The following NOC3L variants were observed in gnomAD, a reference collection of about 807,000 sequenced individuals.
NOC3L encodes the protein NOC3 like DNA replication regulator, also known as nucleolar complex protein 3 homolog.
A neutral mutation model predicts 102.5 loss-of-function variants in NOC3L; 85 were observed. That is an observed-to-expected ratio of 0.83 (90% CI 0.70 to 0.99). The LOEUF is 0.99. Ranked by LOEUF, NOC3L falls within the 50% of genes least tolerant of loss-of-function variation. NOC3L has a pLI of 0.00. For synonymous variants in NOC3L, 303 were observed against 309.4 expected (o/e 0.98, Z 0.22); for missense variants, 878 against 914.9 (o/e 0.96, Z 0.52).
chr10:94,322,582 C>T, the NOC3L span, among the ~76,000 whole-genome samples: 1 of 151,924 alleles, frequency 6.6e-6, no homozygotes, highest in African/African-American at 2.4e-5. Flanking sequence ...GTCAGGAGTT[C>T]GAGACCAGCC....
the NOC3L span, chr10:94,322,127 C>T: frequency 7.1e-7 from 1 of 1,400,716 alleles, no homozygotes; most frequent in Non-Finnish European, 1.0e-6. Flanking sequence ...AATGTCTGTG[C>T]ACTGATGGCT....
chr10:94,320,336 A>AAAT, the NOC3L span, among the ~76,000 whole-genome samples: 1 of 151,936 alleles, frequency 6.6e-6, no homozygotes, highest in South Asian at 2.1e-4. Context: ...AAAAAAGTTA[A>AAAT]AATAGATTAT....
chr10:94,354,461 G>C (rs1484045972), intron 6 of NOC3L, among the ~76,000 whole-genome samples: 1 of 152,082 alleles, frequency 6.6e-6, no homozygotes, highest in Non-Finnish European at 1.5e-5. Flanking sequence ...GATTTCTCTA[G>C]TTCATGTGTT....
intron 15 of NOC3L, 25 bp from the exon 16 acceptor site, chr10:94,340,372 T>A: frequency 1.2e-6 from 2 of 1,610,216 alleles, no homozygotes; most frequent in Non-Finnish European, 1.7e-6. Flanking sequence ...CAAACACCAA[T>A]TAGGTATGTT....
chr10:94,315,276 G>A, the NOC3L span: 15 of 387,126 alleles, frequency 3.9e-5, no homozygotes, highest in Admixed American at 3.1e-4. Flanking sequence ...TTTTCCTCCT[G>A]GTGAGATGTG....
chr10:94,321,804 A>G, the NOC3L span: 1,553 of 859,286 alleles, frequency 1.8e-3, 6 homozygotes, highest in Non-Finnish European at 2.1e-3. Context: ...AGAAGTTTCT[A>G]CATCACCAAG....
chr10:94,348,065 T>A (rs1430983936), intron 10 of NOC3L, among the ~76,000 whole-genome samples: 1 of 150,802 alleles, frequency 6.6e-6, no homozygotes, highest in East Asian at 1.9e-4. Context: ...GCATTTTATA[T>A]CAGCAGAAAA....
At chr10:94,352,279 G>T in intron 8 of NOC3L, 31 bp downstream of exon 8, 1 of 1,419,892 alleles carries the variant, frequency 7.0e-7, no homozygotes, top group Non-Finnish European at 9.9e-7. Context: ...GGCTAAGTAT[G>T]TTACAAACTT....
At chr10:94,349,465 G>T in intron 9 of NOC3L, 87 bp from the exon 10 acceptor site, 1 of 1,242,792 alleles carries the variant, frequency 8.0e-7, no homozygotes, top group Non-Finnish European at 1.1e-6. Context: ...TGTTGTAGGG[G>T]GACTGTCCTA....
chr10:94,362,934 A>G lies in NOC3L; in HGVS notation c.-96T>C, dbSNP rs1405939092. ...ATGACACACGTGCCGAAGTCCCTAC[A>G]CTACCAGAGCCGGAAACGGCCTTCA... On this transcript the variant is annotated 5_prime_UTR_variant, in exon 1 of 21. Transcript: ENST00000371361. The G allele has an allele frequency of 5.0e-6, 8 of 1,595,234 alleles. No homozygotes were observed. Among genetic ancestry groups the G allele is most frequent in the East Asian group, 2.2e-5 (1 of 44,766 alleles).
chr10:94,334,152 A>G lies in NOC3L; in HGVS notation c.*25T>C, dbSNP rs887011981. ...ACATCTGCACACACAAATATACAAG[A>G]AAGTCCACTGACTTCATTCCTCTAC... On this transcript the variant is annotated 3_prime_UTR_variant, in exon 21 of 21. Coordinates refer to ENST00000371361, the MANE Select transcript of NOC3L (RefSeq NM_022451.11). 3 of 1,039,894 alleles carry G rather than the reference A, an allele frequency of 2.9e-6. No individual in the cohort carries two copies. The highest frequency in any genetic ancestry group is 4.5e-6 in the Non-Finnish European group (3 of 669,946). 64.4% of individuals were successfully genotyped at this position (1,039,894 alleles called of 1,614,324 possible). A position where few individuals can be genotyped will look rare whatever the true frequency, so the allele number is the denominator to read the frequency against.
rs2054187297 is a variant in NOC3L at position 94,333,880 on chromosome 10, C to T, written c.*297G>A. The T allele has an allele frequency of 1.1e-5, 2 of 189,558 alleles. No individual in the cohort carries two copies. The allele number at this position is 189,558 out of a possible 1,614,324, so 11.7% of individuals were successfully genotyped here. ...CAACTGCACTTCAGTAAGATCCAGT[C>T]CAAAGATTTTTTTAAAAAACTATAA... On this transcript the variant is annotated 3_prime_UTR_variant, in exon 21 of 21. Transcript: ENST00000371361.
chr10:94,336,089 G>A (rs914115696), intron 19 of NOC3L, among the ~76,000 whole-genome samples: 1 of 152,128 alleles, frequency 6.6e-6, no homozygotes, highest in African/African-American at 2.4e-5. Flanking sequence ...GCCAAGGTCT[G>A]ATTTTTCACA....
At chr10:94,357,117 CATG>C (rs1193357441) in intron 4 of NOC3L, 54 bp downstream of exon 4, 1 of 1,233,860 alleles carries the variant, frequency 8.1e-7, no homozygotes, top group Non-Finnish European at 1.1e-6. Flanking sequence ...GAAAAAAAAA[CATG>C]ATATCAGTAA....
the NOC3L span, chr10:94,315,273 C>T: frequency 1.0e-4 from 39 of 377,704 alleles, no homozygotes; most frequent in Non-Finnish European, 1.9e-4. Flanking sequence ...TGCTTTTCCT[C>T]CTGGTGAGAT....
chr10:94,349,925 AT>A (rs1381377791), intron 9 of NOC3L, among the ~76,000 whole-genome samples, 187 bp downstream of exon 9: 2 of 151,784 alleles, frequency 1.3e-5, no homozygotes, highest in African/African-American at 2.4e-5. Flanking sequence ...CGCCCTGCTA[AT>A]TTTTTGTATT....
chr10:94,315,503 T>C, the NOC3L span: 1 of 455,904 alleles, frequency 2.2e-6, no homozygotes, highest in Non-Finnish European at 4.4e-6. Context: ...GGTAAAACTA[T>C]AATGCCTGTA....
rs761814779 is a variant in NOC3L at position 94,339,804 on chromosome 10, GGGTACAAA to G, written c.1889_1896del (p.Leu630ProfsTer32). 1.2e-6 allele frequency: 2 copies of G among 1,614,124 alleles called. No homozygotes were observed. Among genetic ancestry groups the G allele is most frequent in the South Asian group, 2.2e-5 (2 of 91,054 alleles). On this transcript the variant is annotated frameshift_variant, in exon 17 of 21. Coordinates refer to ENST00000371361, the MANE Select transcript of NOC3L (RefSeq NM_022451.11). LOFTEE classifies it high-confidence loss of function. Reference sequence around the variant, plus strand: ...GAATTTGGAAGAACATGAAGAGCAAGGGTACAAAGGCGTTTGATGAAGGCAAGAGCTCG... The same window carrying G: ...GAATTTGGAAGAACATGAAGAGCAAGGGCGTTTGATGAAGGCAAGAGCTCG...
chr10:94,342,134 C>T (rs1474263813), intron 13 of NOC3L, among the ~76,000 whole-genome samples: 1 of 152,084 alleles, frequency 6.6e-6, no homozygotes, highest in African/African-American at 2.4e-5. Context: ...GAATATGGAC[C>T]TTATGACAGC....
Sources: allele counts gnomAD v4.1 joint callset (sites outside exome capture counted in the v4.1 genomes callset), GRCh38; gene constraint gnomAD v4.1.1; transcripts MANE v1.5; gene names NCBI Gene and HGNC (gene_info 2026-07-23, HGNC 2026-07-21).